EDA2R: variants seen among roughly 807,000 people sequenced by gnomAD.
EDA2R encodes the protein tumor necrosis factor receptor superfamily member 27.
EDA2R carries 26 observed loss-of-function variants against 20.1 expected under a neutral mutation model. The ratio of observed to expected loss-of-function variants is 1.30; its 90% confidence interval spans 0.95 to 1.80. The LOEUF (loss-of-function observed/expected upper bound fraction) is 1.80, where lower values mean the gene tolerates loss of function less well. Among genes scored for constraint, EDA2R ranks in the 40% most tolerant of loss-of-function variants. The pLI is 0.00. For missense variants in EDA2R, 277 were observed against 228.7 expected (o/e 1.21, Z -1.36); for synonymous variants, 114 against 88.7 (o/e 1.29, Z -1.60).
chrX:66,621,767 C>A (rs142027635), intron 1 of EDA2R, among the ~76,000 whole-genome samples: 50 of 111,811 alleles, frequency 4.5e-4, no homozygotes, highest in Admixed American at 5.7e-4. Context: ...GAAGTGACTG[C>A]TGAATAGGTA....
chrX:66,604,479 G>C lies in EDA2R; in HGVS notation c.294C>G (p.Gly98=), dbSNP rs1203158738. 3.3e-6 allele frequency: 4 copies of C among 1,208,956 alleles called. No individual in the cohort carries two copies. In the South Asian group the frequency reaches 7.1e-5, roughly 21 times the overall value. Residue 98 remains glycine, a synonymous_variant, in exon 4 of 7, where the codon GGC becomes GGG. Coordinates refer to ENST00000374719, the MANE Select transcript of EDA2R (RefSeq NM_021783.5). ...ACGGGATGCACTCTTGGTCCTGCAG[G>C]CCTCCAATGCGTGTCTTTCGGTAGA... ...PRFYRKTRIG[G]LQDQECIPCT... is the part of the protein sequence containing the mutation.
chrX:66,610,564 A>AT (rs2147740140), intron 2 of EDA2R, among the ~76,000 whole-genome samples: 1 of 111,915 alleles, frequency 8.9e-6, no homozygotes, highest in South Asian at 3.8e-4. Context: ...TGATTGATTG[A>AT]TTGATTAATT....
intron 2 of EDA2R, among the ~76,000 whole-genome samples, chrX:66,610,074 T>C (rs926132074): frequency 6.3e-5 from 7 of 111,567 alleles, no homozygotes; most frequent in Admixed American, 9.5e-5. Context: ...AAAAGATTCA[T>C]AAGCAAAATT....
At chrX:66,604,760 A>G (rs1477258895) in intron 3 of EDA2R, among the ~76,000 whole-genome samples, 1 of 111,488 alleles carries the variant, frequency 9.0e-6, no homozygotes, top group Admixed American at 9.5e-5. Context: ...CTTTGATACC[A>G]AGTACATCAT....
rs1373830007 is a variant in EDA2R, at chrX:66,597,243, C to G, written c.*861G>C. The stretch of plus-strand genomic sequence containing the variant: ...TAGGTGGGAGCTAAAGGCAAAAAGA[C>G]AATTGAGAAAGAATCAAAGGGGAAC... On this transcript the variant is annotated 3_prime_UTR_variant, in exon 7 of 7. Coordinates refer to ENST00000374719, the MANE Select transcript of EDA2R (RefSeq NM_021783.5). The G allele has an allele frequency of 8.9e-6, 1 of 111,857 alleles. No homozygotes were observed. Among genetic ancestry groups the G allele is most frequent in the Non-Finnish European group, 1.9e-5 (1 of 53,187 alleles). 9.2% of individuals were successfully genotyped at this position (111,857 alleles called of 1,213,427 possible).
intron 5 of EDA2R, among the ~76,000 whole-genome samples, chrX:66,600,871 T>C (rs972803787): frequency 8.9e-6 from 1 of 112,018 alleles, no homozygotes; most frequent in Non-Finnish European, 1.9e-5. Flanking sequence ...CTCTTGAAAA[T>C]GTAGAAGATC....
rs1277357811 is a variant in EDA2R at position 66,596,445 on chromosome X, G to T, written c.*1659C>A. 9.0e-6 allele frequency: 1 copy of T among 111,657 alleles called. No homozygotes were observed. Among genetic ancestry groups the T allele is most frequent in the Non-Finnish European group, 1.9e-5 (1 of 53,144 alleles). The allele number at this position is 111,657 out of a possible 1,213,427, so 9.2% of individuals were successfully genotyped here. A position where few individuals can be genotyped will look rare whatever the true frequency, so the allele number is the denominator to read the frequency against. ...TGGAATTAAGGTGATTCTGGGTATGGCTTGGGCTGTCCACATAGCATTCAT... is the reference window on the plus strand; with the variant it reads ...TGGAATTAAGGTGATTCTGGGTATGTCTTGGGCTGTCCACATAGCATTCAT... On this transcript the variant is annotated 3_prime_UTR_variant, in exon 7 of 7. Transcript: ENST00000374719.
chrX:66,633,362 G>T (rs1934024775), intron 1 of EDA2R, among the ~76,000 whole-genome samples: 1 of 111,932 alleles, frequency 8.9e-6, no homozygotes, highest in South Asian at 3.7e-4. Context: ...CATTATAAAA[G>T]AAATAGGATG....
intron 1 of EDA2R, among the ~76,000 whole-genome samples, chrX:66,623,495 A>G (rs1932823006): frequency 8.9e-6 from 1 of 112,172 alleles, no homozygotes; most frequent in African/African-American, 3.2e-5. Flanking sequence ...GTATGTAAAA[A>G]CATAAAATAT....
At chrX:66,602,338 T>A (rs1419508404) in intron 5 of EDA2R, among the ~76,000 whole-genome samples, 1 of 111,185 alleles carries the variant, frequency 9.0e-6, no homozygotes, top group East Asian at 2.8e-4. Context: ...ACATAGAACC[T>A]AGGTCTCCCG....
intron 5 of EDA2R, 34 bp from the exon 6 acceptor site, chrX:66,599,894 C>T: frequency 8.4e-7 from 1 of 1,187,316 alleles, no homozygotes; most frequent in Non-Finnish European, 1.1e-6. Context: ...CTGGGTTACC[C>T]AAAAGCAGGG....
intron 5 of EDA2R, among the ~76,000 whole-genome samples, chrX:66,601,621 T>C (rs1395663093): frequency 9.0e-6 from 1 of 111,341 alleles, no homozygotes; most frequent in East Asian, 2.8e-4. Flanking sequence ...GCACACAGTA[T>C]CCAGTGGGCT....
chrX:66,629,666 C>T (rs1189622670), intron 1 of EDA2R, among the ~76,000 whole-genome samples: 1 of 111,539 alleles, frequency 9.0e-6, no homozygotes, highest in Admixed American at 9.5e-5. Flanking sequence ...AGGAAAACTA[C>T]ACAACAGTGC....
chrX:66,621,899 G>A (rs1401992839), intron 1 of EDA2R, among the ~76,000 whole-genome samples: 5 of 112,040 alleles, frequency 4.5e-5, no homozygotes, highest in African/African-American at 1.6e-4. Flanking sequence ...TATAGTATGT[G>A]AATTATATCT....
intron 1 of EDA2R, among the ~76,000 whole-genome samples, chrX:66,632,431 A>AAGAAGGAGG (rs1933916599): frequency 9.8e-6 from 1 of 102,471 alleles, no homozygotes; most frequent in South Asian, 4.5e-4. Context: ...GAAGAAGAAG[A>AAGAAGGAGG]AGAAGCAGGA....
chrX:66,622,967 G>A (rs1480595698), intron 1 of EDA2R, among the ~76,000 whole-genome samples: 1 of 112,111 alleles, frequency 8.9e-6, no homozygotes, highest in African/African-American at 3.2e-5. Flanking sequence ...CCTTCCCAAT[G>A]CTGGAATCAA....
chrX:66,620,965 CA>C (rs376190384), intron 1 of EDA2R, among the ~76,000 whole-genome samples: 1,046 of 55,170 alleles, frequency 0.019, 12 homozygotes, highest in African/African-American at 0.055. Context: ...TATCCACTAC[CA>C]AAAAAAAAAA....
chrX:66,614,244 T>A (rs1334210595), intron 2 of EDA2R, among the ~76,000 whole-genome samples: 2 of 111,725 alleles, frequency 1.8e-5, no homozygotes, highest in African/African-American at 6.5e-5. Flanking sequence ...GAGGCCACAA[T>A]GAGAACAAAA....
In EDA2R at chrX:66,599,808, G is replaced by T; in HGVS notation, c.570C>A (p.Phe190Leu). 8.3e-7 allele frequency: 1 copy of T among 1,208,719 alleles called. No individual in the cohort carries two copies. Among genetic ancestry groups the T allele is most frequent in the Non-Finnish European group, 1.1e-6 (1 of 894,207 alleles). Residue 190 changes from phenylalanine to leucine, a missense_variant, in exon 6 of 7, where the codon TTC (phenylalanine) becomes TTA (leucine). By Grantham distance (22) the Phe-to-Leu change is conservative. Coordinates refer to ENST00000374719, the MANE Select transcript of EDA2R (RefSeq NM_021783.5). Reference sequence around the variant, plus strand: ...TGGTCTCCTTGCTGGGTGGCACGGGGAAGAGAGATTCCTCCTTTGCTGTTT... The same window carrying T: ...TGGTCTCCTTGCTGGGTGGCACGGGTAAGAGAGATTCCTCCTTTGCTGTTT... ...ADKTAKEESL[F>L]PVPPSKETSA... is the part of the protein sequence containing the mutation.
Sources: allele counts gnomAD v4.1 joint callset (sites outside exome capture counted in the v4.1 genomes callset), GRCh38; gene constraint gnomAD v4.1.1; transcripts MANE v1.5; gene names NCBI Gene and HGNC (gene_info 2026-07-23, HGNC 2026-07-21).